Variants in SPON1 observed in about 807,000 individuals in gnomAD.
SPON1 encodes the protein spondin 1.
In SPON1, 52 loss-of-function variants were observed where a neutral mutation model predicts 111.7. The observed-to-expected ratio is 0.47, with a 90% CI of 0.37 to 0.59. The LOEUF (loss-of-function observed/expected upper bound fraction) is 0.59. Ranked by LOEUF, SPON1 falls within the 20% of genes least tolerant of loss-of-function variation. The probability of loss-of-function intolerance (pLI) is 0.00; values close to 1 mark genes in which losing one functional copy is unlikely to be tolerated. For missense variants in SPON1, 957 were observed against 1,068.5 expected (o/e 0.90, Z 1.46); for synonymous variants, 410 against 395.8 (o/e 1.04, Z -0.43).
chr11:14,043,448 G>A (rs782744228), intron 3 of SPON1, among the ~76,000 whole-genome samples: 1 of 152,202 alleles, frequency 6.6e-6, no homozygotes, highest in East Asian at 1.9e-4. Flanking sequence ...CTGATTTTCT[G>A]TGTCAATTGC....
intron 5 of SPON1, among the ~76,000 whole-genome samples, chr11:14,132,840 ATAAT>A (rs1847543024): frequency 6.6e-6 from 1 of 152,238 alleles, no homozygotes; most frequent in Non-Finnish European, 1.5e-5. Flanking sequence ...GGAAGAAACT[ATAAT>A]TATTGACTGT....
chr11:14,261,415 C>T (rs1554941899), intron 14 of SPON1, among the ~76,000 whole-genome samples: 2 of 152,244 alleles, frequency 1.3e-5, no homozygotes, highest in Non-Finnish European at 2.9e-5. Flanking sequence ...TGCAGTCGTT[C>T]ATCCTCCCTC....
At chr11:14,133,885 CTGCCTGGGGT>C (rs1436118501) in intron 5 of SPON1, among the ~76,000 whole-genome samples, 4 of 152,190 alleles carry the variant, frequency 2.6e-5, no homozygotes, top group Admixed American at 2.6e-4. Context: ...GTGATGTCCT[CTGCCTGGGGT>C]GGGCCGTGGC....
intron 6 of SPON1, among the ~76,000 whole-genome samples, chr11:14,238,398 G>A (rs1387286098): frequency 1.3e-5 from 2 of 152,192 alleles, no homozygotes; most frequent in African/African-American, 2.4e-5. Context: ...TAGGAAGAAA[G>A]GGGCAGGGGG....
intron 2 of SPON1, among the ~76,000 whole-genome samples, chr11:14,029,447 T>C (rs1554915765): frequency 6.6e-6 from 1 of 152,202 alleles, no homozygotes; most frequent in East Asian, 1.9e-4. Flanking sequence ...TCTTGTCACA[T>C]GATCAGGAAA....
intron 10 of SPON1, among the ~76,000 whole-genome samples, chr11:14,257,385 C>T (rs377464002): frequency 2.9e-4 from 44 of 152,120 alleles, no homozygotes; most frequent in South Asian, 1.4e-3. Flanking sequence ...GTAAATAAGC[C>T]TTGAGCTTTT....
chr11:14,249,532 T>G (rs1554940513), intron 7 of SPON1, among the ~76,000 whole-genome samples: 1 of 152,144 alleles, frequency 6.6e-6, no homozygotes, highest in African/African-American at 2.4e-5. Context: ...TTGGGCGCCC[T>G]CTCGTGGCCA....
intron 3 of SPON1, among the ~76,000 whole-genome samples, chr11:14,068,436 G>A (rs112454846): frequency 2.6e-5 from 4 of 152,254 alleles, no homozygotes; most frequent in African/African-American, 4.8e-5. Context: ...GAGCCTAACC[G>A]ACCTCTTACC....
rs533869518 is a variant in SPON1 at position 14,019,480 on chromosome 11, T to C, written c.346-22041T>C. The stretch of plus-strand genomic sequence containing the variant: ...ATAACAGGCACTTGATAACTTATTG[T>C]TATTAATTATTATCATTATATAGTT... On this transcript the variant is annotated intron_variant, in intron 2 of 15. Transcript: ENST00000576479. 6.9e-4 allele frequency among the ~76,000 whole-genome samples: 105 copies of C among 151,856 alleles called. 1 individual carries two copies. Among genetic ancestry groups the C allele is most frequent in the African/African-American group, 2.3e-3 (94 of 41,490 alleles).
At chr11:14,263,191 C>G in intron 15 of SPON1, 1 of 549,494 alleles carries the variant, frequency 1.8e-6, no homozygotes, top group South Asian at 3.1e-5. Context: ...CGGTGGGGGT[C>G]ATTTATCAAA....
intron 4 of SPON1, among the ~76,000 whole-genome samples, chr11:14,077,854 G>T (rs1210025477): frequency 6.6e-6 from 1 of 151,962 alleles, no homozygotes; most frequent in Non-Finnish European, 1.5e-5. Context: ...AAGGAAAAAG[G>T]AAGGGAAACG....
intron 1 of SPON1, 86 bp from the exon 2 acceptor site, chr11:13,982,761 C>G (rs563010880): frequency 2.4e-5 from 21 of 886,166 alleles, no homozygotes; most frequent in Non-Finnish European, 3.4e-5. Flanking sequence ...TCTGGGATAT[C>G]GATGGAGAAC....
intron 6 of SPON1, among the ~76,000 whole-genome samples, chr11:14,242,122 A>T (rs1231825720): frequency 6.6e-6 from 1 of 152,132 alleles, no homozygotes; most frequent in Non-Finnish European, 1.5e-5. Flanking sequence ...GAAGCCATGG[A>T]CCAGAAAGCT....
chr11:13,971,086 C>T (rs1848059944), intron 1 of SPON1, among the ~76,000 whole-genome samples: 1 of 152,184 alleles, frequency 6.6e-6, no homozygotes, highest in Non-Finnish European at 1.5e-5. Context: ...ATTTCTCTCT[C>T]AGCCAGAGAG....
chr11:14,259,202 C>T lies in SPON1; in HGVS notation c.1493-78C>T. The T allele has an allele frequency of 2.1e-6, 3 of 1,450,494 alleles. No homozygotes were observed. Among genetic ancestry groups the T allele is most frequent in the South Asian group, 1.4e-5 (1 of 72,768 alleles). The allele number at this position is 1,450,494 out of a possible 1,614,324, so 89.9% of individuals were successfully genotyped here. On this transcript the variant is annotated intron_variant, in intron 11 of 15. Transcript: ENST00000576479. The surrounding 1 kb of genome is among the most constrained non-coding windows in gnomAD (Gnocchi z 5.0). ...CCTGACTCCTCTTGATTCCCGCTGG[C>T]GGGAAGTTCCCACCGCGCAGCCTGG...
At chr11:14,115,912 G>C (rs1271429734) in intron 5 of SPON1, among the ~76,000 whole-genome samples, 1 of 152,052 alleles carries the variant, frequency 6.6e-6, no homozygotes, top group African/African-American at 2.4e-5. Context: ...TGATATTGTT[G>C]ATATGGTTTT....
intron 2 of SPON1, among the ~76,000 whole-genome samples, chr11:14,018,451 C>A (rs1482170422): frequency 6.6e-6 from 1 of 152,120 alleles, no homozygotes; most frequent in Non-Finnish European, 1.5e-5. Context: ...TTAATGATGC[C>A]AGTAACTGAG....
At chr11:14,166,377 A>G (rs1447209806) in intron 6 of SPON1, among the ~76,000 whole-genome samples, 2 of 152,226 alleles carry the variant, frequency 1.3e-5, no homozygotes, top group African/African-American at 2.4e-5. Context: ...TATTTTACTC[A>G]CTTGTTAAAA....
Position 14,082,760 on chromosome 11 carries a change from T to C in SPON1, c.676+2739T>C, listed in dbSNP as rs1848972709. 2.0e-5 allele frequency among the ~76,000 whole-genome samples: 3 copies of C among 152,344 alleles called. No homozygotes were observed. The South Asian group carries it at 6.2e-4, about 32-fold the overall frequency. On this transcript the variant is annotated intron_variant, in intron 5 of 15. Coordinates refer to ENST00000576479, the MANE Select transcript of SPON1 (RefSeq NM_006108.4). The stretch of plus-strand genomic sequence containing the variant: ...AAAAGTTATTTCTATCAGTCTTAAG[T>C]AATAGATGAATTTCTTTTTGCCACT...
Sources: gnomAD v4.1 joint callset for allele counts (sites outside exome capture counted in the v4.1 genomes callset) on GRCh38, gnomAD v4.1.1 for gene constraint, Gnocchi (gnomAD v3.1) non-coding constraint, MANE v1.5 for transcripts, NCBI Gene and HGNC (gene_info 2026-07-23, HGNC 2026-07-21) for gene names.